SPATA13: variants seen among roughly 807,000 people sequenced by gnomAD.
SPATA13 encodes the protein spermatogenesis-associated protein 13.
A neutral mutation model predicts 104.0 loss-of-function variants in SPATA13; 50 were observed. The observed-to-expected ratio is 0.48, with a 90% CI of 0.38 to 0.61. The LOEUF is 0.61. Ranked by LOEUF, SPATA13 falls within the 20% of genes least tolerant of loss-of-function variation. The pLI, the probability that SPATA13 is intolerant of heterozygous loss-of-function variation, is 0.00. For synonymous variants in SPATA13, 606 were observed against 667.5 expected, an observed-to-expected ratio of 0.91 and a Z score of 1.42; for missense variants, 1,524 against 1,690.6, an observed-to-expected ratio of 0.90 and a Z score of 1.73.
In SPATA13 at chr13:24,290,759, C is replaced by T. The variant is rs1405067207; in HGVS notation, c.2955C>T (p.Ala985=). The T allele has an allele frequency of 6.2e-7, 1 of 1,614,220 alleles. No homozygotes were observed. Among genetic ancestry groups the T allele is most frequent in the South Asian group, 1.1e-5 (1 of 91,078 alleles). The change falls in exon 9 of 13, where the codon GCC becomes GCT. Residue 985 remains alanine, a synonymous_variant. Coordinates refer to ENST00000382108, the MANE Select transcript of SPATA13 (RefSeq NM_001166271.3). The part of the protein sequence containing the change: ...KQGKYRHFFE[A]CRLLQQMIDI... ...GCAAGTACAGACATTTCTTTGAAGC[C>T]TGCCGCCTGCTGCAGCAGATGATTG...
At position 24,129,543 on chromosome 13, in the gene SPATA13, G is replaced by T. The variant is rs117318200; in HGVS notation, c.-111-93276G>T. Among the ~76,000 whole-genome samples the T allele has an allele frequency of 4.1e-3, 632 of 152,294 alleles. 10 individuals carry two copies. In the East Asian group the frequency reaches 0.063, roughly 15 times the overall value. ...TGGAGGCCTAACCCTGAAATTAGTA[G>T]GGACAGGTTTGTTATTTGGCTGAAT... On this transcript the variant is annotated intron_variant, in intron 3 of 14. Coordinates refer to the SPATA13 transcript ENST00000424834.
At chr13:24,177,079 T>C (rs1368285939) in intron 1 of SPATA13, among the ~76,000 whole-genome samples, 2 of 152,204 alleles carry the variant, frequency 1.3e-5, no homozygotes, top group Non-Finnish European at 2.9e-5. Flanking sequence ...GTATATACTT[T>C]TGTTAGTGAG....
chr13:24,113,558 A>T (rs900591144), intron 3 of SPATA13, among the ~76,000 whole-genome samples: 2 of 151,662 alleles, frequency 1.3e-5, no homozygotes, highest in Non-Finnish European at 2.9e-5. Flanking sequence ...TAAAACAAGC[A>T]TATTATCTTT....
At chr13:24,242,061 T>A (rs1209657477) in intron 2 of SPATA13, among the ~76,000 whole-genome samples, 5 of 148,708 alleles carry the variant, frequency 3.4e-5, no homozygotes, top group Admixed American at 6.7e-5. Flanking sequence ...AAAAAAAAAA[T>A]GAAAAAAGAA....
chr13:23,983,480 A>G lies in SPATA13; in HGVS notation c.-353-247A>G, dbSNP rs552209263. On this transcript the variant is annotated intron_variant, in intron 1 of 14. Transcript: ENST00000424834. ...TTCATCCTGTGAATTTTGAGCCCAG[A>G]GCAGAGAATTTTTAAAAAGTGGACA... is the stretch of plus-strand genomic sequence containing the variant. 2.0e-5 allele frequency among the ~76,000 whole-genome samples: 3 copies of G among 152,328 alleles called. No homozygotes were observed. In the East Asian group the frequency reaches 5.8e-4, roughly 29 times the overall value.
At chr13:24,251,175 G>A (rs559234186) in intron 3 of SPATA13, among the ~76,000 whole-genome samples, 9 of 152,320 alleles carry the variant, frequency 5.9e-5, no homozygotes, top group East Asian at 5.8e-4. Context: ...CTCCACTGCC[G>A]TGTGAGTTTG....
chr13:24,171,271 G>A (rs1882955289), intron 1 of SPATA13, among the ~76,000 whole-genome samples: 1 of 152,086 alleles, frequency 6.6e-6, no homozygotes, highest in African/African-American at 2.4e-5. Flanking sequence ...CATGTGTTCA[G>A]CGCTGTCATT....
intron 2 of SPATA13, among the ~76,000 whole-genome samples, chr13:23,986,420 T>C (rs748676220): frequency 3.9e-5 from 6 of 152,204 alleles, no homozygotes; most frequent in Non-Finnish European, 8.8e-5. Context: ...ATGTGTTATC[T>C]GCAGGAAGAG....
intron 3 of SPATA13, among the ~76,000 whole-genome samples, chr13:24,104,300 A>G (rs545182091): frequency 4.0e-5 from 6 of 151,052 alleles, no homozygotes; most frequent in African/African-American, 1.2e-4. Context: ...GACAAAAAGG[A>G]TTTTACTTCA....
intron 3 of SPATA13, among the ~76,000 whole-genome samples, chr13:24,054,887 G>A (rs188952311): frequency 1.9e-4 from 29 of 152,132 alleles, no homozygotes; most frequent in Non-Finnish European, 3.5e-4. Flanking sequence ...CAATAACAGC[G>A]CTCACTTCTT....
chr13:24,252,002 C>A, intron 4 of SPATA13, 140 bp downstream of exon 4: 2 of 1,064,118 alleles, frequency 1.9e-6, no homozygotes, highest in Non-Finnish European at 2.6e-6. Context: ...GACGGCTCAT[C>A]TCAGGAGAAT....
chr13:24,183,604 CA>C (rs1324324067), intron 1 of SPATA13, among the ~76,000 whole-genome samples: 5 of 69,986 alleles, frequency 7.1e-5, no homozygotes, highest in Admixed American at 6.2e-4. Flanking sequence ...GATTTCTTTA[CA>C]TTTTTTTTTT....
chr13:24,116,373 G>A (rs1356422085), intron 3 of SPATA13, among the ~76,000 whole-genome samples: 1 of 152,166 alleles, frequency 6.6e-6, no homozygotes, highest in Non-Finnish European at 1.5e-5. Flanking sequence ...AACTGCAGCT[G>A]CCATCCTCCA....
chr13:24,271,346 G>C (rs1162520177), intron 4 of SPATA13, among the ~76,000 whole-genome samples: 1 of 152,102 alleles, frequency 6.6e-6, no homozygotes, highest in Non-Finnish European at 1.5e-5. Flanking sequence ...TTATTCAATA[G>C]ATTATTGGTG....
chr13:24,140,566 A>C (rs1229382456), intron 3 of SPATA13, among the ~76,000 whole-genome samples: 1 of 152,204 alleles, frequency 6.6e-6, no homozygotes, highest in African/African-American at 2.4e-5. Flanking sequence ...CTACAGAGTC[A>C]AACGTTCCTC....
chr13:24,003,401 T>C (rs1876071912), intron 2 of SPATA13, among the ~76,000 whole-genome samples: 2 of 152,186 alleles, frequency 1.3e-5, no homozygotes, highest in African/African-American at 4.8e-5. Context: ...ATTCAAATAA[T>C]GAATGGAGTG....
chr13:24,140,521 A>C (rs1022059162), intron 3 of SPATA13, among the ~76,000 whole-genome samples: 6 of 152,226 alleles, frequency 3.9e-5, no homozygotes, highest in Non-Finnish European at 8.8e-5. Context: ...TCACGTGCAG[A>C]AGCAGAGCTG....
intron 3 of SPATA13, among the ~76,000 whole-genome samples, chr13:24,054,103 G>C (rs1878458276): frequency 6.6e-6 from 1 of 152,076 alleles, no homozygotes; most frequent in African/African-American, 2.4e-5. Context: ...GGGCAGCATG[G>C]AGGAGGAGGT....
chr13:24,283,186 T>G (rs1217763015), intron 4 of SPATA13, among the ~76,000 whole-genome samples: 2 of 152,224 alleles, frequency 1.3e-5, no homozygotes, highest in Non-Finnish European at 2.9e-5. Flanking sequence ...GGAGGATCCC[T>G]TCCTCTTTAA....
Sources: gnomAD v4.1 joint callset for allele counts (sites outside exome capture counted in the v4.1 genomes callset) on GRCh38, gnomAD v4.1.1 for gene constraint, MANE v1.5 for transcripts, NCBI Gene and HGNC (gene_info 2026-07-23, HGNC 2026-07-21) for gene names.